Variants in TET1 observed in about 807,000 individuals in gnomAD.
TET1 encodes tet methylcytosine dioxygenase 1.
A neutral mutation model predicts 148.7 loss-of-function variants in TET1; 13 were observed. That is an observed-to-expected ratio of 0.09 (90% CI 0.06 to 0.14). The LOEUF (loss-of-function observed/expected upper bound fraction) is 0.14, where lower values mean the gene tolerates loss of function less well. Ranked by LOEUF, TET1 falls within the 10% of genes least tolerant of loss-of-function variation. TET1 has a pLI of 1.00. For synonymous variants in TET1, 907 were observed against 937.2 expected (o/e 0.97, Z 0.59); for missense variants, 2,182 against 2,553.8 (o/e 0.85, Z 3.14).
chr10:68,648,880 T>C (rs1201486841), intron 4 of TET1, among the ~76,000 whole-genome samples: 2 of 152,222 alleles, frequency 1.3e-5, no homozygotes, highest in Non-Finnish European at 2.9e-5. Context: ...CCTAAAGTGC[T>C]GGGATTACAG....
At chr10:68,571,025 G>C (rs1233369083) in intron 1 of TET1, among the ~76,000 whole-genome samples, 6 of 142,676 alleles carry the variant, frequency 4.2e-5, no homozygotes, top group East Asian at 4.3e-4. Context: ...GAGTCTCGCT[G>C]TGTCACCCAG....
At chr10:68,669,958 A>T (rs2055251418) in intron 7 of TET1, among the ~76,000 whole-genome samples, 2 of 152,098 alleles carry the variant, frequency 1.3e-5, no homozygotes, top group Non-Finnish European at 2.9e-5. Flanking sequence ...AAACTCTTAT[A>T]TACCCTTACT....
intron 3 of TET1, among the ~76,000 whole-genome samples, chr10:68,621,614 G>T (rs991154685): frequency 5.3e-5 from 8 of 152,008 alleles, no homozygotes; most frequent in Non-Finnish European, 1.0e-4. Context: ...TTAAAATCTG[G>T]CTGATTAAAT....
chr10:68,651,770 A>G, intron 4 of TET1, 76 bp from the exon 5 acceptor site: 3 of 1,056,852 alleles, frequency 2.8e-6, no homozygotes, highest in Non-Finnish European at 4.1e-6. Context: ...GGGAACAAAA[A>G]GTATAAAAGT....
intron 8 of TET1, among the ~76,000 whole-genome samples, chr10:68,680,689 C>A (rs2055424527): frequency 6.6e-6 from 1 of 152,198 alleles, no homozygotes; most frequent in South Asian, 2.1e-4. Flanking sequence ...TCTGATGTCT[C>A]TATCAGTAGC....
chr10:68,584,987 A>G (rs1466258165), intron 2 of TET1, among the ~76,000 whole-genome samples: 1 of 151,124 alleles, frequency 6.6e-6, no homozygotes, highest in Non-Finnish European at 1.5e-5. Context: ...TGCCCAGCTA[A>G]TTTTTTTGTG....
chr10:68,672,515 CAAAAAAAA>C (rs1207136905), intron 7 of TET1, among the ~76,000 whole-genome samples: 1 of 85,726 alleles, frequency 1.2e-5, no homozygotes, highest in African/African-American at 4.3e-5. Context: ...AAAAAAACAC[CAAAAAAAA>C]AAAAAAGAAA....
intron 3 of TET1, among the ~76,000 whole-genome samples, chr10:68,609,254 C>T (rs909002729): frequency 6.6e-6 from 1 of 152,044 alleles, no homozygotes; most frequent in East Asian, 1.9e-4. Context: ...CTCCACCTCC[C>T]AGGTTCAAGT....
intron 7 of TET1, among the ~76,000 whole-genome samples, chr10:68,670,982 CTTAA>C (rs2055265408): frequency 6.6e-6 from 1 of 151,710 alleles, no homozygotes; most frequent in African/African-American, 2.4e-5. Context: ...TTATTTTTTA[CTTAA>C]TTATTCTTTT....
At chr10:68,624,636 C>CT (rs1348268933) in intron 3 of TET1, among the ~76,000 whole-genome samples, 1 of 45,244 alleles carries the variant, frequency 2.2e-5, no homozygotes, top group African/African-American at 1.5e-4. Context: ...TTCTTTCTTT[C>CT]TTTCTTTCTT....
Position 68,669,647 on chromosome 10 carries a change from T to C in TET1, c.4673+2391T>C, listed in dbSNP as rs747724530. On this transcript the variant is annotated intron_variant, in intron 7 of 11. Transcript: ENST00000373644. ...GGGATTACAGGCGTGAGCCACCACG[T>C]CCAGCCCAGTGAACTCTTTTAAGAC... Among the ~76,000 whole-genome samples the C allele has an allele frequency of 4.0e-5, 6 of 148,934 alleles. No homozygotes were observed. The East Asian group carries it at 6.0e-4, about 15-fold the overall frequency.
chr10:68,588,535 C>G (rs1490900777), intron 2 of TET1, among the ~76,000 whole-genome samples: 11 of 152,010 alleles, frequency 7.2e-5, no homozygotes, highest in Non-Finnish European at 1.2e-4. Flanking sequence ...ATGTGAAAGG[C>G]CCAAAAGATG....
At chr10:68,690,085 T>C (rs934616829) in intron 11 of TET1, among the ~76,000 whole-genome samples, 1 of 152,208 alleles carries the variant, frequency 6.6e-6, no homozygotes, top group Admixed American at 6.5e-5. Context: ...TTTTAAAATA[T>C]AGGGTCATAC....
At chr10:68,611,728 C>T (rs2054216116) in intron 3 of TET1, among the ~76,000 whole-genome samples, 1 of 146,298 alleles carries the variant, frequency 6.8e-6, no homozygotes, top group Admixed American at 7.0e-5. Context: ...TAGAGGGAGT[C>T]TCGCTCTGTT....
chr10:68,660,281 G>A (rs768773342), intron 6 of TET1, among the ~76,000 whole-genome samples: 9 of 151,296 alleles, frequency 5.9e-5, no homozygotes, highest in African/African-American at 1.2e-4. Flanking sequence ...GGATACTTCC[G>A]CTTAGTTTGG....
intron 2 of TET1, among the ~76,000 whole-genome samples, chr10:68,594,093 T>G (rs2053951640): frequency 6.6e-6 from 1 of 151,444 alleles, no homozygotes; most frequent in South Asian, 2.1e-4. Context: ...GCCTGGCTAA[T>G]TTTTGTATTT....
At chr10:68,682,715 T>A in intron 9 of TET1, 121 bp from the exon 10 acceptor site, 2 of 1,131,044 alleles carry the variant, frequency 1.8e-6, no homozygotes, top group Non-Finnish European at 2.5e-6. Context: ...ATACATTTAG[T>A]CTCAGAAATT....
At chr10:68,652,632 T>G in intron 6 of TET1, 38 bp downstream of exon 6, 1 of 1,391,560 alleles carries the variant, frequency 7.2e-7, no homozygotes. Flanking sequence ...TTGAAGCTTG[T>G]TATTCCAGAG....
chr10:68,625,374 C>T (rs2054462513), intron 3 of TET1, among the ~76,000 whole-genome samples: 1 of 152,162 alleles, frequency 6.6e-6, no homozygotes, highest in East Asian at 1.9e-4. Context: ...GAATGCCTGC[C>T]AAGGCTTCAT....
Sources: allele counts gnomAD v4.1 joint callset (sites outside exome capture counted in the v4.1 genomes callset), GRCh38; gene constraint gnomAD v4.1.1; transcripts MANE v1.5; gene names NCBI Gene and HGNC (gene_info 2026-07-23, HGNC 2026-07-21).